C2orf78: variants seen among roughly 807,000 people sequenced by gnomAD.
C2orf78 encodes chromosome 2 open reading frame 78.
Under a neutral mutation model 21.4 loss-of-function variants are expected in C2orf78, and 12 were observed. The ratio of observed to expected loss-of-function variants is 0.56; its 90% CI spans 0.36 to 0.91. C2orf78 has a LOEUF of 0.91. Among genes scored for constraint, C2orf78 ranks in the 40% least tolerant of loss-of-function variants. The probability of loss-of-function intolerance (pLI) is 0.01; values close to 1 mark genes in which losing one functional copy is unlikely to be tolerated. For synonymous variants in C2orf78, 396 were observed against 413.9 expected (o/e 0.96, Z 0.52); for missense variants, 1,042 against 1,092.4 (o/e 0.95, Z 0.65).
exon 3 of C2orf78, chr2:73,815,298 A>G (rs1264676456): frequency 1.9e-6 from 3 of 1,613,784 alleles, no homozygotes; most frequent in Admixed American, 3.3e-5. Flanking sequence ...AAAAAATGAG[A>G]ATGAGAATTT....
At chr2:73,816,671 A>C in exon 3 of C2orf78, 1 of 1,613,940 alleles carries the variant, frequency 6.2e-7, no homozygotes, top group Admixed American at 1.7e-5. Context: ...CAGCCTACAA[A>C]ACATCATCTT....
exon 3 of C2orf78, chr2:73,816,318 G>A (rs765093003): frequency 3.1e-6 from 5 of 1,613,692 alleles, no homozygotes; most frequent in Non-Finnish European, 4.2e-6. Flanking sequence ...TGGTAGTGCT[G>A]AAAAAGAGTG....
At position 73,816,069 on chromosome 2, in the gene C2orf78, CA is replaced by C; in HGVS notation, c.1850del (p.Lys617ArgfsTer10). 1 of 1,613,772 alleles carries C rather than the reference CA, an allele frequency of 6.2e-7. No individual in the cohort carries two copies. The highest frequency in any genetic ancestry group is 8.5e-7 in the Non-Finnish European group (1 of 1,179,868). On this transcript the variant is annotated frameshift_variant, in exon 3 of 3. Coordinates refer to ENST00000409561, the Ensembl canonical transcript of C2orf78. LOFTEE classifies it low-confidence loss of function (END_TRUNC). ...GAAGAAAAATCAACCTGAGCTTAGC[CA>C]AAAGACCCTTAAAAAGCCCCGAAGC...
At chr2:73,815,180 T>C (rs1673166142) in exon 3 of C2orf78, 2 of 1,613,980 alleles carry the variant, frequency 1.2e-6, no homozygotes, top group East Asian at 4.5e-5. Context: ...GTAGCAGAAA[T>C]ACCCAGACAC....
chr2:73,811,482 C>A (rs931509729), intron 1 of C2orf78, among the ~76,000 whole-genome samples: 5 of 152,086 alleles, frequency 3.3e-5, no homozygotes, highest in East Asian at 1.9e-4. Context: ...AAGAACAATA[C>A]CTTTGCATGA....
intron 2 of C2orf78, among the ~76,000 whole-genome samples, 167 bp from the exon 3 acceptor site, chr2:73,814,904 G>A (rs1017060641): frequency 6.6e-6 from 1 of 152,190 alleles, no homozygotes; most frequent in Admixed American, 6.5e-5. Flanking sequence ...TAACCAGTAA[G>A]AGAACAGTCA....
At chr2:73,784,494 T>G (rs1049717392) in intron 1 of C2orf78, 88 bp downstream of exon 1, 3 of 551,996 alleles carry the variant, frequency 5.4e-6, no homozygotes. Flanking sequence ...CCCAAACAGC[T>G]TGGAATAACA....
chr2:73,810,536 A>AATATAT (rs35269780), intron 1 of C2orf78, among the ~76,000 whole-genome samples: 4 of 135,498 alleles, frequency 3.0e-5, no homozygotes, highest in African/African-American at 8.2e-5. Context: ...TCAAAAAGAA[A>AATATAT]ATATATATAT....
intron 1 of C2orf78, among the ~76,000 whole-genome samples, chr2:73,807,833 T>C (rs1672986053): frequency 6.8e-6 from 1 of 146,222 alleles, no homozygotes; most frequent in African/African-American, 2.6e-5. Flanking sequence ...CCAAAGAAGG[T>C]GGAATTCAAG....
intron 1 of C2orf78, 88 bp from the exon 2 acceptor site, chr2:73,813,389 C>A: frequency 7.4e-7 from 1 of 1,343,570 alleles, no homozygotes; most frequent in Non-Finnish European, 9.9e-7. Flanking sequence ...TTCCTGATTG[C>A]AACAACCTTA....
In C2orf78 at chr2:73,798,095, G is replaced by A. The variant is rs547949334; in HGVS notation, c.97+13689G>A. Among the ~76,000 whole-genome samples the A allele has an allele frequency of 4.2e-3, 295 of 69,756 alleles. 2 individuals carry two copies. The highest frequency in any genetic ancestry group is 0.01 in the Admixed American group (82 of 7,946). 45.8% of individuals were successfully genotyped at this position (69,756 alleles called of 152,430 possible). A position where few individuals can be genotyped will look rare whatever the true frequency, so the allele number is the denominator to read the frequency against. On this transcript the variant is annotated intron_variant, in intron 1 of 2. Transcript: ENST00000409561. ...TGGACCACATCATTTCCTACAAGGG[G>A]CAGTCAAGGAACTTTGCTGTTCAAG...
chr2:73,815,952 A>C (rs1050842779), exon 3 of C2orf78: 1 of 1,613,936 alleles, frequency 6.2e-7, no homozygotes. Flanking sequence ...CAAAGGGAAC[A>C]GAAAGAACAG....
At chr2:73,808,035 C>G (rs957399768) in intron 1 of C2orf78, among the ~76,000 whole-genome samples, 1 of 151,106 alleles carries the variant, frequency 6.6e-6, no homozygotes, top group Non-Finnish European at 1.5e-5. Context: ...GCGAGCAGAT[C>G]ACAAGGTCAG....
exon 3 of C2orf78, chr2:73,816,222 C>A (rs774490779): frequency 6.2e-7 from 1 of 1,613,940 alleles, no homozygotes; most frequent in South Asian, 1.1e-5. Context: ...AAACCGCCAG[C>A]CATTCCCAGC....
Position 73,784,254 on chromosome 2 carries a change from C to G in C2orf78, c.-56C>G, listed in dbSNP as rs1218090409. The G allele has an allele frequency of 2.0e-6, 3 of 1,510,636 alleles. No individual in the cohort carries two copies. The highest frequency in any genetic ancestry group is 2.7e-6 in the Non-Finnish European group (3 of 1,130,174). The allele number at this position is 1,510,636 out of a possible 1,614,324, so 93.6% of individuals were successfully genotyped here. ...CTGGGCGTGGCCTGTAAATTTGTAT[C>G]ATCACAAGGGGCCAGTGACCAGTAA... is the stretch of plus-strand genomic sequence containing the variant. On this transcript the variant is annotated 5_prime_UTR_variant, in exon 1 of 3. The change creates a new upstream start codon in the 5' untranslated region. Coordinates refer to ENST00000409561, the Ensembl canonical transcript of C2orf78.
chr2:73,816,682 G>C, exon 3 of C2orf78: 1 of 1,613,976 alleles, frequency 6.2e-7, no homozygotes, highest in Non-Finnish European at 8.5e-7. Flanking sequence ...ACATCATCTT[G>C]TTCTTCTCTG....
chr2:73,816,170 A>G lies in C2orf78; in HGVS notation c.1947A>G (p.Gly649=), dbSNP rs373830876. Reference sequence around the variant, plus strand: ...GGAAAAAGATCGATATGAAAACTGGATTCTCTTCCTCCAGGACCCTGGGAA... The same window carrying G: ...GGAAAAAGATCGATATGAAAACTGGGTTCTCTTCCTCCAGGACCCTGGGAA... The change falls in exon 3 of 3, where the codon GGA becomes GGG. Residue 649 remains glycine, a synonymous_variant. Coordinates refer to ENST00000409561, the Ensembl canonical transcript of C2orf78. The G allele has an allele frequency of 9.7e-5, 156 of 1,613,876 alleles. 2 individuals are homozygous for G. The African/African-American group carries it at 1.7e-3, about 17-fold the overall frequency.
rs537942600 is a variant in C2orf78 at position 73,810,712 on chromosome 2, A to T, written c.98-2765A>T. On this transcript the variant is annotated intron_variant, in intron 1 of 2. Coordinates refer to ENST00000409561, the Ensembl canonical transcript of C2orf78. ...TATATATTTTATATATATATAATAT[A>T]CATATAAAATATACATACATAAAAT... Among the ~76,000 whole-genome samples the T allele has an allele frequency of 5.2e-5, 7 of 133,724 alleles. No individual in the cohort carries two copies. In the South Asian group the frequency reaches 1.5e-3, roughly 29 times the overall value. The allele number at this position is 133,724 out of a possible 152,430, so 87.7% of individuals were successfully genotyped here. A position where few individuals can be genotyped will look rare whatever the true frequency, so the allele number is the denominator to read the frequency against.
exon 3 of C2orf78, chr2:73,816,052 A>G: frequency 6.2e-7 from 1 of 1,613,926 alleles, no homozygotes; most frequent in Middle Eastern, 1.6e-4. Context: ...CGGAAGAAAA[A>G]TCAACCTGAG....
Sources: allele counts gnomAD v4.1 joint callset (sites outside exome capture counted in the v4.1 genomes callset), GRCh38; gene constraint gnomAD v4.1.1; transcripts MANE v1.5; gene names NCBI Gene and HGNC (gene_info 2026-07-23, HGNC 2026-07-21).